OR10J5: variants seen among roughly 807,000 people sequenced by gnomAD.
The protein encoded by OR10J5 is olfactory receptor 10J5.
For missense variants in OR10J5, 389 were observed against 372.1 expected, an observed-to-expected ratio of 1.05 and a Z score of -0.37; for synonymous variants, 171 against 137.1, an observed-to-expected ratio of 1.25 and a Z score of -1.73.
Position 159,535,865 on chromosome 1 carries a change from A to G in OR10J5, c.143T>C (p.Ile48Thr). The change falls in exon 1 of 1, where the codon ATC becomes ACC. Residue 48 changes from isoleucine to threonine, a missense_variant. Transcript: ENST00000334857. ...GTGGAGATGATGGTCAATGCAGATGATAGTCACAATGATGATGTTAGCAAC... is the reference window on the plus strand; with the variant it reads ...GTGGAGATGATGGTCAATGCAGATGGTAGTCACAATGATGATGTTAGCAAC... ...TLVANIIIVTIICIDHHLHTP... is the reference protein window; with the variant it reads ...TLVANIIIVTTICIDHHLHTP... 1 of 1,614,128 alleles carries G rather than the reference A, an allele frequency of 6.2e-7. No individual in the cohort carries two copies. Among genetic ancestry groups the G allele is most frequent in the South Asian group, 1.1e-5 (1 of 91,084 alleles).
In OR10J5 at chr1:159,535,816, G is replaced by A. The variant is rs1290234474; in HGVS notation, c.192C>T (p.Ser64=). The change falls in exon 1 of 1, where the codon AGC becomes AGT. Residue 64 remains serine (S), a synonymous_variant. Transcript: ENST00000334857. ...HLHTPMYFFL[S]MLASSETVYT... The stretch of plus-strand genomic sequence containing the variant: ...ACACCGTCTCTGAACTAGCCAGCAT[G>A]CTTAGGAAGAAATACATGGGAGTGT... The A allele has an allele frequency of 1.9e-6, 3 of 1,614,016 alleles. No homozygotes were observed. In the African/African-American group the frequency reaches 4.0e-5, roughly 22 times the overall value.
chr1:159,535,761 A>G lies in OR10J5; in HGVS notation c.247T>C (p.Leu83=), dbSNP rs755732910. 6.2e-7 allele frequency: 1 copy of G among 1,614,178 alleles called. No individual in the cohort carries two copies. The highest frequency in any genetic ancestry group is 1.1e-5 in the South Asian group (1 of 91,088). The change falls in exon 1 of 1, where the codon TTG becomes CTG. Residue 83 remains leucine, a synonymous_variant. Coordinates refer to ENST00000334857, the MANE Select transcript of OR10J5 (RefSeq NM_001004469.1). ...YTLVIVPRML[L]SLIFHNQPIS... is the part of the protein sequence containing the mutation. ...GGTTGGTTATGAAAAATGAGGCTCA[A>G]AAGCATTCGTGGCACAATGACCAGT...
In OR10J5 at chr1:159,535,189, G is replaced by C; in HGVS notation, c.819C>G (p.Leu273=). 6.2e-7 allele frequency: 1 copy of C among 1,613,936 alleles called. No homozygotes were observed. The highest frequency in any genetic ancestry group is 1.1e-5 in the South Asian group (1 of 91,076). Residue 273 remains leucine, a synonymous_variant, in exon 1 of 1, where the codon CTC becomes CTG. Transcript: ENST00000334857. ...GAGTGATGATGGTGTACGTCACTGAGAGAACAAGGTCTTTTTCTATTGAAC... is the reference window on the plus strand; with the variant it reads ...GAGTGATGATGGTGTACGTCACTGACAGAACAAGGTCTTTTTCTATTGAAC... ...SESSIEKDLV[L]SVTYTIITPL... is the part of the protein sequence containing the mutation.
In OR10J5 at chr1:159,535,688, A is replaced by G. The variant is rs768825707; in HGVS notation, c.320T>C (p.Leu107Ser). ...AAGCAGGAAGCAATTATTAGTGGCC[A>G]AGATAACAAAAAAGAACATTTGTGT... The part of the protein sequence containing the change: ...CATQMFFFVI[L>S]ATNNCFLLTA... Residue 107 changes from leucine to serine, a missense_variant, in exon 1 of 1, where the codon TTG becomes TCG. Leu to Ser is a moderately radical substitution (Grantham distance 145). Transcript: ENST00000334857. 1.2e-6 allele frequency: 2 copies of G among 1,614,206 alleles called. No individual in the cohort carries two copies. The highest frequency in any genetic ancestry group is 8.5e-7 in the Non-Finnish European group (1 of 1,180,028).
In OR10J5 at chr1:159,535,779, T is replaced by G. The variant is rs1018255492; in HGVS notation, c.229A>C (p.Ile77Leu). ...ASSETVYTLV[I>L]VPRMLLSLIF... ...AGGCTCAAAAGCATTCGTGGCACAATGACCAGTGTGTACACCGTCTCTGAA... is the reference window on the plus strand; with the variant it reads ...AGGCTCAAAAGCATTCGTGGCACAAGGACCAGTGTGTACACCGTCTCTGAA... Residue 77 changes from isoleucine to leucine, a missense_variant, in exon 1 of 1, where the codon ATT becomes CTT. Ile to Leu is a conservative substitution (Grantham distance 5). Coordinates refer to ENST00000334857, the MANE Select transcript of OR10J5 (RefSeq NM_001004469.1). 3 of 1,614,024 alleles carry G rather than the reference T, an allele frequency of 1.9e-6. No homozygotes were observed. The highest frequency in any genetic ancestry group is 2.7e-5 in the African/African-American group (2 of 74,922).
Position 159,535,412 on chromosome 1 carries a change from T to A in OR10J5, c.596A>T (p.Tyr199Phe), listed in dbSNP as rs56786307. ...IDTTINEIIN[Y>F]GVSSFVIFVP... ...AAAAATCACAAATGAACTTACACCA[T>A]AATTTATTATCTCATTGATAGTGGT... Residue 199 changes from tyrosine to phenylalanine, a missense_variant, in exon 1 of 1, where the codon TAT (tyrosine) becomes TTT (phenylalanine). Tyr to Phe is a conservative substitution (Grantham distance 22, BLOSUM62 3). Transcript: ENST00000334857. 8,705 of 1,613,954 alleles carry A rather than the reference T, an allele frequency of 5.4e-3. 434 individuals are homozygous for A. In the African/African-American group the frequency reaches 0.1, roughly 19 times the overall value.
rs1657841433 is a variant in OR10J5 at position 159,535,776 on chromosome 1, C to G, written c.232G>C (p.Val78Leu). 5 of 1,613,984 alleles carry G rather than the reference C, an allele frequency of 3.1e-6. No homozygotes were observed. Among genetic ancestry groups the G allele is most frequent in the Admixed American group, 1.7e-5 (1 of 60,000 alleles). ...ATGAGGCTCAAAAGCATTCGTGGCA[C>G]AATGACCAGTGTGTACACCGTCTCT... is the stretch of plus-strand genomic sequence containing the variant. ...SSETVYTLVI[V>L]PRMLLSLIFH... The change falls in exon 1 of 1, where the codon GTG becomes CTG. Residue 78 changes from valine to leucine, a missense_variant. Physicochemically the swap from Val to Leu is conservative, Grantham distance 32. Coordinates refer to ENST00000334857, the MANE Select transcript of OR10J5 (RefSeq NM_001004469.1).
In OR10J5 at chr1:159,535,310, C is replaced by A. The variant is rs141462119; in HGVS notation, c.698G>T (p.Arg233Leu). The A allele has an allele frequency of 1.2e-6, 2 of 1,614,040 alleles. No individual in the cohort carries two copies. The highest frequency in any genetic ancestry group is 3.3e-5 in the Admixed American group (2 of 59,984). The change falls in exon 1 of 1, where the codon CGG (arginine) becomes CTG (leucine). Residue 233 changes from arginine (R) to leucine (L), a missense_variant. Arg to Leu is a moderately radical substitution (Grantham distance 102). Transcript: ENST00000334857. ...SILQIASAEG[R>L]KKTFATCVSH... ...GACACAGGTGGCAAAGGTCTTCTTCCGGCCCTCAGCTGAGGCAATTTGAAG... is the reference window on the plus strand; with the variant it reads ...GACACAGGTGGCAAAGGTCTTCTTCAGGCCCTCAGCTGAGGCAATTTGAAG...
In OR10J5 at chr1:159,535,442, A is replaced by G. The variant is rs1203938595; in HGVS notation, c.566T>C (p.Ile189Thr). The G allele has an allele frequency of 6.2e-7, 1 of 1,614,168 alleles. No homozygotes were observed. Among genetic ancestry groups the G allele is most frequent in the Non-Finnish European group, 8.5e-7 (1 of 1,179,974 alleles). The change falls in exon 1 of 1, where the codon ATT (isoleucine) becomes ACT (threonine). Residue 189 changes from isoleucine (I) to threonine (T), a missense_variant. Coordinates refer to ENST00000334857, the MANE Select transcript of OR10J5 (RefSeq NM_001004469.1). ...DIYPVMKLSCIDTTINEIINY... is the reference protein window; with the variant it reads ...DIYPVMKLSCTDTTINEIINY... ...TATTATCTCATTGATAGTGGTATCA[A>G]TGCAAGAAAGTTTCATGACTGGGTA...
At position 159,535,092 on chromosome 1, in the gene OR10J5, T is replaced by G. The variant is rs1657825461; in HGVS notation, c.916A>C (p.Arg306=). The G allele has an allele frequency of 6.2e-7, 1 of 1,607,616 alleles. No homozygotes were observed. The highest frequency in any genetic ancestry group is 8.5e-7 in the Non-Finnish European group (1 of 1,176,004). ...VKDALCRVVG[R]NIS ...AATCCAATCCATTAAGAAATATTTC[T>G]GCCCACAACTCTGCATAGGGCATCC... The change falls in exon 1 of 1, where the codon AGA becomes CGA. Residue 306 remains arginine, a synonymous_variant. Coordinates refer to ENST00000334857, the MANE Select transcript of OR10J5 (RefSeq NM_001004469.1).
Position 159,535,981 on chromosome 1 carries a change from C to T in OR10J5, c.27G>A (p.Val9=). Residue 9 remains valine (V), a synonymous_variant, in exon 1 of 1, where the codon GTG becomes GTA. Transcript: ENST00000334857. MKRKNFTE[V]SEFIFLGFSS... The stretch of plus-strand genomic sequence containing the variant: ...AAAATCCCAAGAAAATGAATTCTGA[C>T]ACTTCTGTGAAGTTCTTTCTCTTCA... The T allele has an allele frequency of 6.2e-7, 1 of 1,609,114 alleles. No homozygotes were observed. The highest frequency in any genetic ancestry group is 1.7e-5 in the Admixed American group (1 of 59,794).
At position 159,535,567 on chromosome 1, in the gene OR10J5, C is replaced by G. The variant is rs1301181526; in HGVS notation, c.441G>C (p.Gly147=). ...SKGLCAQLVC[G]SFGIGLTMAV... The stretch of plus-strand genomic sequence containing the variant: ...CCATAGTCAGACCAATGCCAAAGGA[C>G]CCACACACCAGCTGGGCACATAGTC... The change falls in exon 1 of 1, where the codon GGG becomes GGC. Residue 147 remains glycine, a synonymous_variant. Coordinates refer to ENST00000334857, the MANE Select transcript of OR10J5 (RefSeq NM_001004469.1). 2.5e-6 allele frequency: 4 copies of G among 1,614,082 alleles called. No individual in the cohort carries two copies. The East Asian group carries it at 8.9e-5, about 36-fold the overall frequency.
Position 159,535,818 on chromosome 1 carries a change from T to C in OR10J5, c.190A>G (p.Ser64Gly). 1 of 1,614,070 alleles carries C rather than the reference T, an allele frequency of 6.2e-7. No homozygotes were observed. The highest frequency in any genetic ancestry group is 8.5e-7 in the Non-Finnish European group (1 of 1,179,978). Residue 64 changes from serine (S) to glycine (G), a missense_variant, in exon 1 of 1, where the codon AGC becomes GGC. By Grantham distance (56) the Ser-to-Gly change is moderately conservative (BLOSUM62 0). Transcript: ENST00000334857. ...ACCGTCTCTGAACTAGCCAGCATGC[T>C]TAGGAAGAAATACATGGGAGTGTGG... ...HLHTPMYFFLSMLASSETVYT... is the reference protein window; with the variant it reads ...HLHTPMYFFLGMLASSETVYT...
Position 159,535,727 on chromosome 1 carries a change from A to G in OR10J5, c.281T>C (p.Leu94Ser). ...GAACATTTGTGTAGCACAGCCTGCC[A>G]AGGAGATAGGTTGGTTATGAAAAAT... ...SLIFHNQPIS[L>S]AGCATQMFFF... Residue 94 changes from leucine to serine, a missense_variant, in exon 1 of 1, where the codon TTG (leucine) becomes TCG (serine). Coordinates refer to ENST00000334857, the MANE Select transcript of OR10J5 (RefSeq NM_001004469.1). The G allele has an allele frequency of 6.2e-7, 1 of 1,614,190 alleles. No homozygotes were observed. Among genetic ancestry groups the G allele is most frequent in the Non-Finnish European group, 8.5e-7 (1 of 1,180,012 alleles).
At position 159,535,311 on chromosome 1, in the gene OR10J5, G is replaced by A. The variant is rs35393723; in HGVS notation, c.697C>T (p.Arg233Trp). 0.17 allele frequency: 280,677 copies of A among 1,613,738 alleles called. 26,559 individuals are homozygous for A. The highest frequency in any genetic ancestry group is 0.19 in the Non-Finnish European group (223,007 of 1,179,826). Reference sequence around the variant, plus strand: ...ACACAGGTGGCAAAGGTCTTCTTCCGGCCCTCAGCTGAGGCAATTTGAAGG... The same window carrying A: ...ACACAGGTGGCAAAGGTCTTCTTCCAGCCCTCAGCTGAGGCAATTTGAAGG... ...SILQIASAEGRKKTFATCVSH... is the reference protein window; with the variant it reads ...SILQIASAEGWKKTFATCVSH... Residue 233 changes from arginine (R) to tryptophan (W), a missense_variant, in exon 1 of 1, where the codon CGG becomes TGG. By Grantham distance (101) the Arg-to-Trp change is moderately radical. Coordinates refer to ENST00000334857, the MANE Select transcript of OR10J5 (RefSeq NM_001004469.1).
chr1:159,535,748 A>G lies in OR10J5; in HGVS notation c.260T>C (p.Phe87Ser), dbSNP rs374451082. 113 of 1,614,082 alleles carry G rather than the reference A, an allele frequency of 7.0e-5. 1 individual carries two copies. The highest frequency in any genetic ancestry group is 9.5e-5 in the Non-Finnish European group (112 of 1,180,032). Residue 87 changes from phenylalanine (F) to serine (S), a missense_variant, in exon 1 of 1, where the codon TTT (phenylalanine) becomes TCT (serine). By Grantham distance (155) the Phe-to-Ser change is radical (BLOSUM62 -2). Transcript: ENST00000334857. ...TGCCAAGGAGATAGGTTGGTTATGA[A>G]AAATGAGGCTCAAAAGCATTCGTGG... is the stretch of plus-strand genomic sequence containing the variant. ...IVPRMLLSLI[F>S]HNQPISLAGC...
rs1205659283 is a variant in OR10J5 at position 159,535,909 on chromosome 1, A to G, written c.99T>C (p.Thr33=). The change falls in exon 1 of 1, where the codon ACT becomes ACC. Residue 33 remains threonine (T), a synonymous_variant. Transcript: ENST00000334857. ...HQITLFVVFL[T]VYILTLVANI... ...TAGCAACCAGAGTTAAAATGTAGAC[A>G]GTTAGGAAAACCACAAAGAGGGTTA... 6 of 1,613,824 alleles carry G rather than the reference A, an allele frequency of 3.7e-6. No individual in the cohort carries two copies. The highest frequency in any genetic ancestry group is 3.3e-5 in the South Asian group (3 of 91,086).
rs145168896 is a variant in OR10J5 at position 159,535,972 on chromosome 1, G to A, written c.36C>T (p.Phe12=). ...CAAAGCTAGAAAATCCCAAGAAAAT[G>A]AATTCTGACACTTCTGTGAAGTTCT... is the stretch of plus-strand genomic sequence containing the variant. ...KRKNFTEVSE[F]IFLGFSSFGK... is the part of the protein sequence containing the mutation. Residue 12 remains phenylalanine (F), a synonymous_variant, in exon 1 of 1, where the codon TTC becomes TTT. Coordinates refer to ENST00000334857, the MANE Select transcript of OR10J5 (RefSeq NM_001004469.1). 31 of 1,610,920 alleles carry A rather than the reference G, an allele frequency of 1.9e-5. No homozygotes were observed. The South Asian group carries it at 2.4e-4, about 13-fold the overall frequency.
At position 159,535,540 on chromosome 1, in the gene OR10J5, T is replaced by A. The variant is rs1657836738; in HGVS notation, c.468A>T (p.Ala156=). ...TGAACATGGCTGTCACATGGAGAAC[T>A]GCCATAGTCAGACCAATGCCAAAGG... ...CGSFGIGLTM[A]VLHVTAMFNL... is the part of the protein sequence containing the mutation. The change falls in exon 1 of 1, where the codon GCA becomes GCT. Residue 156 remains alanine (A), a synonymous_variant. Coordinates refer to ENST00000334857, the MANE Select transcript of OR10J5 (RefSeq NM_001004469.1). 3 of 1,614,046 alleles carry A rather than the reference T, an allele frequency of 1.9e-6. No homozygotes were observed. The highest frequency in any genetic ancestry group is 2.5e-6 in the Non-Finnish European group (3 of 1,179,964).
Sources: gnomAD v4.1 joint callset for allele counts on GRCh38, gnomAD v4.1.1 for gene constraint, MANE v1.5 for transcripts, NCBI Gene and HGNC (gene_info 2026-07-23, HGNC 2026-07-21) for gene names.